The following MYO6 variants were observed in gnomAD, a reference collection of about 807,000 sequenced individuals.
MYO6 encodes unconventional myosin-VI.
Under a neutral mutation model 178.7 loss-of-function variants are expected in MYO6, and 74 were observed. That is an observed-to-expected ratio of 0.41 (90% CI 0.34 to 0.50). MYO6 has a LOEUF of 0.50. Ranked by LOEUF, MYO6 falls within the 20% of genes least tolerant of loss-of-function variation. The probability of loss-of-function intolerance (pLI) is 0.09; values close to 1 mark genes in which losing one functional copy is unlikely to be tolerated. For missense variants in MYO6, 1,330 were observed against 1,547.4 expected, an observed-to-expected ratio of 0.86 and a Z score of 2.36; for synonymous variants, 477 against 504.6, an observed-to-expected ratio of 0.95 and a Z score of 0.73.
chr6:75,777,204 T>G (rs1185861613), intron 1 of MYO6, among the ~76,000 whole-genome samples: 1 of 152,164 alleles, frequency 6.6e-6, no homozygotes, highest in Admixed American at 6.5e-5. Flanking sequence ...TGTATTAATA[T>G]CTTTCTTAAG....
intron 12 of MYO6, 56 bp from the exon 13 acceptor site, chr6:75,857,041 C>T (rs1775776389): frequency 2.0e-6 from 3 of 1,536,658 alleles, no homozygotes; most frequent in Admixed American, 3.4e-5. Context: ...CACTCTGTGG[C>T]ATTTTCACAG....
intron 1 of MYO6, among the ~76,000 whole-genome samples, chr6:75,815,913 T>TGA (rs1771192958): frequency 6.6e-6 from 1 of 152,210 alleles, no homozygotes; most frequent in Admixed American, 6.5e-5. Flanking sequence ...CTGGGATCAT[T>TGA]TACCAGATGA....
chr6:75,879,934 C>T lies in MYO6; in HGVS notation c.2192C>T (p.Pro731Leu). The T allele has an allele frequency of 6.2e-7, 1 of 1,614,050 alleles. No homozygotes were observed. The highest frequency in any genetic ancestry group is 8.5e-7 in the Non-Finnish European group (1 of 1,179,992). ...CCAGATAAACTTGCAAGATTGGATC[C>T]AAGACTATTTTGTAAGGTATAAATG... Reference protein sequence around the residue: ...YMPDKLARLDPRLFCKALFKA... With the variant: ...YMPDKLARLDLRLFCKALFKA... Residue 731 changes from proline (P) to leucine (L), a missense_variant, in exon 21 of 35, where the codon CCA becomes CTA. By Grantham distance (98) the Pro-to-Leu change is moderately conservative. Coordinates refer to ENST00000369977, the MANE Select transcript of MYO6 (RefSeq NM_004999.4).
chr6:75,772,687 GT>G (rs1766013340), intron 1 of MYO6, among the ~76,000 whole-genome samples: 1 of 152,162 alleles, frequency 6.6e-6, no homozygotes, highest in Non-Finnish European at 1.5e-5. Flanking sequence ...TTACCGATGT[GT>G]TTTCAGTTGG....
At chr6:75,777,875 A>G (rs1766547840) in intron 1 of MYO6, among the ~76,000 whole-genome samples, 1 of 152,184 alleles carries the variant, frequency 6.6e-6, no homozygotes, top group East Asian at 1.9e-4. Flanking sequence ...ACCGTGGGAG[A>G]CAGTTTCAAA....
At position 75,908,376 on chromosome 6, in the gene MYO6, A is replaced by G. The variant is rs530931996; in HGVS notation, c.3281-120A>G. 20 of 906,548 alleles carry G rather than the reference A, an allele frequency of 2.2e-5. No individual in the cohort carries two copies. In the East Asian group the frequency reaches 5.3e-4, roughly 24 times the overall value. The allele number at this position is 906,548 out of a possible 1,614,324, so 56.2% of individuals were successfully genotyped here. ...CTTATGAATAATTAGCTTACTTTTG[A>G]TTTTGTACCATTAATTTAAAAATAA... On this transcript the variant is annotated intron_variant, in intron 31 of 34. Transcript: ENST00000369977.
intron 32 of MYO6, 139 bp from the exon 33 acceptor site, chr6:75,911,533 C>T: frequency 2.7e-6 from 2 of 729,352 alleles, no homozygotes; most frequent in Non-Finnish European, 4.7e-6. Context: ...TTAGGTAATT[C>T]TGAGAATATT....
chr6:75,897,691 A>G (rs930073123), intron 29 of MYO6, among the ~76,000 whole-genome samples: 16 of 152,244 alleles, frequency 1.1e-4, no homozygotes, highest in African/African-American at 3.9e-4. Context: ...AAGTTAAAGA[A>G]GTGTTGATGA....
chr6:75,800,667 T>C (rs1481139466), intron 1 of MYO6, among the ~76,000 whole-genome samples: 3 of 152,192 alleles, frequency 2.0e-5, no homozygotes, highest in African/African-American at 7.2e-5. Flanking sequence ...GAATAGGCTA[T>C]GTGCTCTAGA....
intron 1 of MYO6, among the ~76,000 whole-genome samples, chr6:75,772,427 A>G (rs930251756): frequency 1.3e-5 from 2 of 152,164 alleles, no homozygotes; most frequent in African/African-American, 2.4e-5. Flanking sequence ...TCGTAGTTCA[A>G]TTAGAAAACT....
At chr6:75,808,912 C>G (rs796503057) in intron 1 of MYO6, among the ~76,000 whole-genome samples, 19 of 152,246 alleles carry the variant, frequency 1.2e-4, no homozygotes, top group African/African-American at 3.9e-4. Flanking sequence ...AAGAGACAAA[C>G]TATTGCATTC....
At chr6:75,751,378 A>G (rs1028929895) in intron 1 of MYO6, among the ~76,000 whole-genome samples, 1 of 152,204 alleles carries the variant, frequency 6.6e-6, no homozygotes, top group Non-Finnish European at 1.5e-5. Context: ...AGTATGAATG[A>G]CATTTAAGGA....
rs759932223 is a variant in MYO6, at chr6:75,848,511, A to T, written c.1058A>T (p.Glu353Val). The change falls in exon 11 of 35, where the codon GAG (glutamate) becomes GTG (valine). Residue 353 changes from glutamate to valine, a missense_variant. By Grantham distance (121) the Glu-to-Val change is moderately radical (BLOSUM62 -2). Coordinates refer to ENST00000369977, the MANE Select transcript of MYO6 (RefSeq NM_004999.4). ...GVLHLGNIDFEEAGSTSGGCN... is the reference protein window; with the variant it reads ...GVLHLGNIDFVEAGSTSGGCN... ...CTGCACCTTGGAAATATTGATTTTGAGGAAGCTGGCAGCACTTCAGGTTTG... is the reference window on the plus strand; with the variant it reads ...CTGCACCTTGGAAATATTGATTTTGTGGAAGCTGGCAGCACTTCAGGTTTG... 2.0e-5 allele frequency: 32 copies of T among 1,613,420 alleles called. No homozygotes were observed. The highest frequency in any genetic ancestry group is 2.6e-5 in the Non-Finnish European group (31 of 1,179,724).
Position 75,890,087 on chromosome 6 carries a change from A to G in MYO6, c.2689A>G (p.Lys897Glu). ...STMMTQEQIQ[K>E]EYDALVKSSE... ...TATGATGACGCAGGAACAAATCCAGAAAGAATATGATGCACTGGTTAAAAG... is the reference window on the plus strand; with the variant it reads ...TATGATGACGCAGGAACAAATCCAGGAAGAATATGATGCACTGGTTAAAAG... The change falls in exon 26 of 35, where the codon AAA becomes GAA. Residue 897 changes from lysine (K) to glutamate (E), a missense_variant. By Grantham distance (56) the Lys-to-Glu change is moderately conservative. Coordinates refer to ENST00000369977, the MANE Select transcript of MYO6 (RefSeq NM_004999.4). 6.2e-7 allele frequency: 1 copy of G among 1,613,944 alleles called. No individual in the cohort carries two copies. The highest frequency in any genetic ancestry group is 8.5e-7 in the Non-Finnish European group (1 of 1,179,962).
At chr6:75,848,647 A>G in intron 11 of MYO6, 116 bp downstream of exon 11, 1 of 962,706 alleles carries the variant, frequency 1.0e-6, no homozygotes. Flanking sequence ...AGAAATATCT[A>G]AAATATACTG....
At chr6:75,856,287 T>C (rs1775710174) in intron 12 of MYO6, among the ~76,000 whole-genome samples, 1 of 152,112 alleles carries the variant, frequency 6.6e-6, no homozygotes, top group Non-Finnish European at 1.5e-5. Flanking sequence ...TGTTGTTGTT[T>C]CCTTTTTTCA....
At chr6:75,817,703 C>A (rs1562201783) in intron 2 of MYO6, 39 bp downstream of exon 2, 4 of 1,555,800 alleles carry the variant, frequency 2.6e-6, no homozygotes, top group Non-Finnish European at 3.5e-6. Flanking sequence ...TGATTTCTTT[C>A]AAAAATAGGT....
At position 75,917,065 on chromosome 6, in the gene MYO6, G is replaced by A. The variant is rs967589958; in HGVS notation, c.*2053G>A. Reference sequence around the variant, plus strand: ...TTACAGTAACCTACGTACAGTAGATGCACATACACACAGACACCCCTTTGC... The same window carrying A: ...TTACAGTAACCTACGTACAGTAGATACACATACACACAGACACCCCTTTGC... On this transcript the variant is annotated 3_prime_UTR_variant, in exon 35 of 35. Transcript: ENST00000369977. 2 of 152,314 alleles carry A rather than the reference G, an allele frequency of 1.3e-5. No individual in the cohort carries two copies. The highest frequency in any genetic ancestry group is 1.9e-4 in the East Asian group (1 of 5,198). The allele number at this position is 152,314 out of a possible 1,614,324, so 9.4% of individuals were successfully genotyped here.
chr6:75,856,148 C>T (rs3778008), intron 12 of MYO6, among the ~76,000 whole-genome samples: 19,025 of 152,126 alleles, frequency 0.13, 1,277 homozygotes, highest in Non-Finnish European at 0.15. Context: ...CACCCTACAG[C>T]CTACAGTTAC....
Sources: allele counts gnomAD v4.1 joint callset (sites outside exome capture counted in the v4.1 genomes callset), GRCh38; gene constraint gnomAD v4.1.1; transcripts MANE v1.5; gene names NCBI Gene and HGNC (gene_info 2026-07-23, HGNC 2026-07-21).